GFPT2: variants seen among roughly 807,000 people sequenced by gnomAD.
GFPT2 encodes glutamine--fructose-6-phosphate transaminase 2.
GFPT2 carries 62 observed loss-of-function variants against 85.6 expected under a neutral mutation model. The observed-to-expected ratio is 0.72, with a 90% CI of 0.59 to 0.90. The LOEUF (loss-of-function observed/expected upper bound fraction) is 0.90. GFPT2 is among the 40% of genes least tolerant of loss of function. The probability of loss-of-function intolerance (pLI) is 0.00; values close to 1 mark genes in which losing one functional copy is unlikely to be tolerated. For synonymous variants in GFPT2, 368 were observed against 344.5 expected (o/e 1.07, Z -0.75); for missense variants, 788 against 893.4 (o/e 0.88, Z 1.50).
intron 9 of GFPT2, among the ~76,000 whole-genome samples, chr5:180,320,202 C>A (rs1482481669): frequency 6.6e-6 from 1 of 151,926 alleles, no homozygotes; most frequent in Non-Finnish European, 1.5e-5. Context: ...CCGTGTTAGC[C>A]AGGATGGTCT....
chr5:180,336,899 C>A (rs775414243), intron 2 of GFPT2, among the ~76,000 whole-genome samples: 6 of 152,262 alleles, frequency 3.9e-5, no homozygotes, highest in Non-Finnish European at 7.3e-5. Context: ...CCAGGCAGGG[C>A]ATTTATCCCA....
Position 180,312,170 on chromosome 5 carries a change from GCAGGGAGGC to G in GFPT2, c.1546+251_1546+259del. Among the ~76,000 whole-genome samples the G allele has an allele frequency of 1.7e-5, 2 of 116,024 alleles. 1 individual carries two copies. The highest frequency in any genetic ancestry group is 1.9e-4 in the Admixed American group (2 of 10,574). The allele number at this position is 116,024 out of a possible 152,430, so 76.1% of individuals were successfully genotyped here. Reference sequence around the variant, plus strand: ...GGCAGGGAGGCTGAGGACCAGGGAGGCAGGGAGGCTGAGGACCAGGGAGGCGGGGAGGCA... The same window carrying G: ...GGCAGGGAGGCTGAGGACCAGGGAGGTGAGGACCAGGGAGGCGGGGAGGCA... On this transcript the variant is annotated intron_variant, in intron 15 of 18. Coordinates refer to ENST00000253778, the MANE Select transcript of GFPT2 (RefSeq NM_005110.4).
chr5:180,325,444 G>A (rs1470066648), intron 7 of GFPT2, among the ~76,000 whole-genome samples: 1 of 152,094 alleles, frequency 6.6e-6, no homozygotes, highest in Admixed American at 6.6e-5. Flanking sequence ...TGATTTCTTG[G>A]GTGGTTTTTT....
At position 180,331,536 on chromosome 5, in the gene GFPT2, T is replaced by C. The variant is rs755383000; in HGVS notation, c.358A>G (p.Asn120Asp). Residue 120 changes from asparagine (N) to aspartate (D), a missense_variant, in exon 5 of 19, where the codon AAT becomes GAT. Coordinates refer to ENST00000253778, the MANE Select transcript of GFPT2 (RefSeq NM_005110.4). Reference protein sequence around the residue: ...DKGNEFVVIHNGIITNYKDLR... With the variant: ...DKGNEFVVIHDGIITNYKDLR... ...TCTTTGTAATTTGTGATGATCCCAT[T>C]GTGGATGACAACAAATTCTGAAAGA... 6.3e-7 allele frequency: 1 copy of C among 1,587,802 alleles called. No homozygotes were observed. Among genetic ancestry groups the C allele is most frequent in the South Asian group, 1.1e-5 (1 of 90,496 alleles).
chr5:180,350,481 G>A lies in GFPT2; in HGVS notation c.7+2730C>T, dbSNP rs926376224. 5.3e-5 allele frequency among the ~76,000 whole-genome samples: 8 copies of A among 152,296 alleles called. No individual in the cohort carries two copies. The South Asian group carries it at 8.3e-4, about 16-fold the overall frequency. ...GCAGCACTGCCCTGATCGGCATCCC[G>A]TCCCTGCTGGTGACCAGTCTCTGGA... is the stretch of plus-strand genomic sequence containing the variant. On this transcript the variant is annotated intron_variant, in intron 1 of 18. Transcript: ENST00000253778.
At chr5:180,319,107 T>C in intron 9 of GFPT2, 151 bp from the exon 10 acceptor site, 1 of 652,222 alleles carries the variant, frequency 1.5e-6, no homozygotes, top group Non-Finnish European at 2.6e-6. Context: ...TGCAGGTGAA[T>C]CTTCCTTTTC....
At chr5:180,334,510 G>A (rs554868932) in intron 4 of GFPT2, among the ~76,000 whole-genome samples, 43 of 152,310 alleles carry the variant, frequency 2.8e-4, no homozygotes, top group Non-Finnish European at 5.0e-4. Context: ...AGGATTAACC[G>A]CAGTGGGACT....
intron 4 of GFPT2, 81 bp downstream of exon 4, chr5:180,335,747 G>C: frequency 2.8e-6 from 4 of 1,444,496 alleles, no homozygotes; most frequent in Non-Finnish European, 3.8e-6. Flanking sequence ...AGGTGGGCGC[G>C]GAACCTGCTT....
chr5:180,349,636 T>TC (rs1764672888), intron 1 of GFPT2, among the ~76,000 whole-genome samples: 1 of 152,086 alleles, frequency 6.6e-6, no homozygotes, highest in Admixed American at 6.6e-5. Flanking sequence ...CCTCAGAGCC[T>TC]CTGGAGGAGG....
rs1387257191 is a variant in GFPT2 at position 180,335,813 on chromosome 5, A to G, written c.340+15T>C. The G allele has an allele frequency of 3.1e-6, 5 of 1,601,230 alleles. No homozygotes were observed. Among genetic ancestry groups the G allele is most frequent in the Non-Finnish European group, 4.3e-6 (5 of 1,175,578 alleles). On this transcript the variant is annotated intron_variant, in intron 4 of 18. Transcript: ENST00000253778. ...GTGAGGTGGAACCATGGGGACGGGG[A>G]AGCATGCCACATACCGTTGCCTTTG...
rs1763946036 is a variant in GFPT2 at position 180,313,750 on chromosome 5, T to C, written c.1431+57A>G. The C allele has an allele frequency of 5.4e-6, 8 of 1,477,696 alleles. No individual in the cohort carries two copies. In the Admixed American group the frequency reaches 1.4e-4, roughly 27 times the overall value. The allele number at this position is 1,477,696 out of a possible 1,614,324, so 91.5% of individuals were successfully genotyped here. On this transcript the variant is annotated intron_variant, in intron 14 of 18. Coordinates refer to ENST00000253778, the MANE Select transcript of GFPT2 (RefSeq NM_005110.4). Reference sequence around the variant, plus strand: ...GAGCAGGCCGGAGGAGGGCGGCCTCTGGTGCACCTGCCTCCGCCAGGCTCT... The same window carrying C: ...GAGCAGGCCGGAGGAGGGCGGCCTCCGGTGCACCTGCCTCCGCCAGGCTCT...
intron 1 of GFPT2, among the ~76,000 whole-genome samples, chr5:180,338,955 C>T (rs989021665): frequency 3.3e-5 from 5 of 152,210 alleles, no homozygotes; most frequent in African/African-American, 1.2e-4. Flanking sequence ...TCCATGCACT[C>T]CCTGATTTGC....
intron 1 of GFPT2, among the ~76,000 whole-genome samples, chr5:180,339,473 G>A (rs1178712647): frequency 2.6e-5 from 4 of 151,726 alleles, no homozygotes; most frequent in African/African-American, 9.7e-5. Context: ...TATGTTCAAG[G>A]TAGGCCTATG....
intron 15 of GFPT2, among the ~76,000 whole-genome samples, chr5:180,311,114 A>T (rs1581369621): frequency 6.6e-6 from 1 of 152,176 alleles, no homozygotes; most frequent in African/African-American, 2.4e-5. Flanking sequence ...GCCCTTCCCC[A>T]ACTGCCTGCT....
At chr5:180,340,175 T>C (rs1764483428) in intron 1 of GFPT2, among the ~76,000 whole-genome samples, 1 of 150,918 alleles carries the variant, frequency 6.6e-6, no homozygotes, top group African/African-American at 2.4e-5. Context: ...GGCCAGGGTC[T>C]CTCTGGAGGT....
intron 1 of GFPT2, among the ~76,000 whole-genome samples, chr5:180,350,581 TG>T (rs1225953599): frequency 6.6e-6 from 1 of 152,160 alleles, no homozygotes; most frequent in Non-Finnish European, 1.5e-5. Flanking sequence ...CCCCAGGGCC[TG>T]GAAAACACTG....
rs1210992964 is a variant in GFPT2 at position 180,302,554 on chromosome 5, C to A, written c.1873G>T (p.Asp625Tyr). The A allele has an allele frequency of 6.2e-7, 1 of 1,613,872 alleles. No homozygotes were observed. Among genetic ancestry groups the A allele is most frequent in the Non-Finnish European group, 8.5e-7 (1 of 1,179,816 alleles). Residue 625 changes from aspartate to tyrosine, a missense_variant, in exon 18 of 19, where the codon GAT becomes TAT. Asp to Tyr is a radical substitution (Grantham distance 160, BLOSUM62 -3). Coordinates refer to ENST00000253778, the MANE Select transcript of GFPT2 (RefSeq NM_005110.4). The stretch of plus-strand genomic sequence containing the variant: ...TACGCAAACTTGGAACTTTCAGTAT[C>A]GTCCTTGGAGCACAGTATAATGGGG... ...GRPIILCSKDDTESSKFAYKT... is the reference protein window; with the variant it reads ...GRPIILCSKDYTESSKFAYKT...
chr5:180,349,959 G>T (rs891513028), intron 1 of GFPT2, among the ~76,000 whole-genome samples: 11 of 151,884 alleles, frequency 7.2e-5, no homozygotes, highest in African/African-American at 2.4e-4. Context: ...TGGATGGGAA[G>T]CGCAAATCCT....
In GFPT2 at chr5:180,318,879, G is replaced by A; in HGVS notation, c.872C>T (p.Ser291Phe). ...GGCCGAGCGCTTGACCCGGTGAATG[G>A]AGAGTTTCCCATCAGCCACTGCGGC... is the stretch of plus-strand genomic sequence containing the variant. ...DIAAVADGKLSIHRVKRSASD... is the reference protein window; with the variant it reads ...DIAAVADGKLFIHRVKRSASD... The change falls in exon 10 of 19, where the codon TCC becomes TTC. Residue 291 changes from serine to phenylalanine, a missense_variant. By Grantham distance (155) the Ser-to-Phe change is radical. Transcript: ENST00000253778. This position sits in a 1 kb window ranked among gnomAD's most constrained non-coding sequence, Gnocchi z 4.2. The A allele has an allele frequency of 1.2e-6, 2 of 1,613,990 alleles. No homozygotes were observed. The highest frequency in any genetic ancestry group is 1.3e-5 in the African/African-American group (1 of 75,064).
Sources: allele counts gnomAD v4.1 joint callset (sites outside exome capture counted in the v4.1 genomes callset), GRCh38; gene constraint gnomAD v4.1.1; non-coding constraint Gnocchi (gnomAD v3.1); transcripts MANE v1.5; gene names NCBI Gene and HGNC (gene_info 2026-07-23, HGNC 2026-07-21).